The following FDXACB1 variants were observed in gnomAD, a reference collection of about 807,000 sequenced individuals.
The protein encoded by FDXACB1 is ferredoxin-fold anticodon binding domain containing 1, also known as ferredoxin-fold anticodon-binding domain-containing protein 1.
A neutral mutation model predicts 51.7 loss-of-function variants in FDXACB1; 41 were observed. The observed-to-expected ratio is 0.79, with a 90% CI of 0.62 to 1.03. The LOEUF (loss-of-function observed/expected upper bound fraction) is 1.03, where lower values mean the gene tolerates loss of function less well. Among genes scored for constraint, FDXACB1 ranks in the 50% least tolerant of loss-of-function variants. FDXACB1 has a pLI of 0.00. For missense variants in FDXACB1, 697 were observed against 746.4 expected (o/e 0.93, Z 0.77); for synonymous variants, 273 against 278.6 (o/e 0.98, Z 0.20).
rs1555162641 is a variant in FDXACB1 at position 111,878,975 on chromosome 11, C to A, written c.158G>T (p.Cys53Phe). ...RDPLAWENLQ[C>F]LRERGIDVRF... The stretch of plus-strand genomic sequence containing the variant: ...GGGCTCGCTACCTCGCTCGCGCAGG[C>A]ACTGCAGATTCTCCCAGGCCAGTGG... The change falls in exon 1 of 5, where the codon TGC (cysteine) becomes TTC (phenylalanine). Residue 53 changes from cysteine to phenylalanine, a missense_variant. Transcript: ENST00000260257. 6.2e-7 allele frequency: 1 copy of A among 1,603,370 alleles called. No homozygotes were observed. Among genetic ancestry groups the A allele is most frequent in the Non-Finnish European group, 8.5e-7 (1 of 1,175,960 alleles).
At position 111,878,727 on chromosome 11, in the gene FDXACB1, T is replaced by C. The variant is rs1964877421; in HGVS notation, c.173-15A>G. 1.9e-6 allele frequency: 3 copies of C among 1,604,144 alleles called. No homozygotes were observed. The highest frequency in any genetic ancestry group is 1.7e-4 in the Middle Eastern group (1 of 6,028). ...TACATCGATACCTGGCAAAGATAGT[T>C]TGGGGGCGCAAAATATAGACAGGAG... On this transcript the variant is annotated splice_polypyrimidine_tract_variant and intron_variant, in intron 1 of 4. Transcript: ENST00000260257.
In FDXACB1 at chr11:111,876,854, G is replaced by C. The variant is rs782024980; in HGVS notation, c.487C>G (p.Pro163Ala). 6.2e-7 allele frequency: 1 copy of C among 1,613,922 alleles called. No homozygotes were observed. Among genetic ancestry groups the C allele is most frequent in the South Asian group, 1.1e-5 (1 of 91,068 alleles). The change falls in exon 3 of 5, where the codon CCA (proline) becomes GCA (alanine). Residue 163 changes from proline to alanine, a missense_variant. Coordinates refer to ENST00000260257, the MANE Select transcript of FDXACB1 (RefSeq NM_138378.3). Reference protein sequence around the residue: ...LGGLILSDVYPFSCKAVAGYK... With the variant: ...LGGLILSDVYAFSCKAVAGYK... ...CCTGCCACAGCCTTACAGCTGAATG[G>C]ATACACGTCGCTTAAAATGAGCCCC...
chr11:111,877,146 C>A, intron 2 of FDXACB1, 135 bp from the exon 3 acceptor site: 1 of 861,660 alleles, frequency 1.2e-6, no homozygotes. Flanking sequence ...ATCTATTAGA[C>A]CTCAAAAAAT....
Position 111,875,750 on chromosome 11 carries a change from A to C in FDXACB1, c.1047T>G (p.Pro349=). The change falls in exon 5 of 5, where the codon CCT becomes CCG. Residue 349 remains proline (P), a synonymous_variant. Coordinates refer to ENST00000260257, the MANE Select transcript of FDXACB1 (RefSeq NM_138378.3). ...CATCCTGAACATGCACTAGGAGAGA[A>C]GGTCTAAGGCAGATCTTGGCCTGGC... ...TCGQAKICLR[P]SLLVHVQDVI... 6.2e-7 allele frequency: 1 copy of C among 1,613,632 alleles called. No individual in the cohort carries two copies. The highest frequency in any genetic ancestry group is 8.5e-7 in the Non-Finnish European group (1 of 1,179,874).
At chr11:111,877,512 CTTTTTTTTTTT>C (rs35506169) in intron 2 of FDXACB1, among the ~76,000 whole-genome samples, 8 of 106,916 alleles carry the variant, frequency 7.5e-5, no homozygotes, top group East Asian at 2.6e-4. Flanking sequence ...CTGTTAGTTA[CTTTTTTTTTTT>C]TTTTTTTTTT....
At chr11:111,878,735 G>A in intron 1 of FDXACB1, 23 bp from the exon 2 acceptor site, 1 of 1,599,816 alleles carries the variant, frequency 6.3e-7, no homozygotes, top group East Asian at 2.2e-5. Flanking sequence ...GTTTGGGGGC[G>A]CAAAATATAG....
chr11:111,875,671 C>A lies in FDXACB1; in HGVS notation c.1126G>T (p.Val376Phe), dbSNP rs1483322771. 6.2e-7 allele frequency: 1 copy of A among 1,613,360 alleles called. No homozygotes were observed. Among genetic ancestry groups the A allele is most frequent in the Non-Finnish European group, 8.5e-7 (1 of 1,179,866 alleles). ...GGCAAAATGTGGCACTTCTGAAAGA[C>A]AGGTCCACTGAGGATGTGCAGAGAA... Reference protein sequence around the residue: ...SGSLHILSGPVFQKCHILPFT... With the variant: ...SGSLHILSGPFFQKCHILPFT... Residue 376 changes from valine (V) to phenylalanine (F), a missense_variant, in exon 5 of 5, where the codon GTC becomes TTC. Around this residue, in one of 3 missense-constraint regions of FDXACB1, gnomAD observed 538 missense variants for 592.2 expected, o/e 0.91. Coordinates refer to ENST00000260257, the MANE Select transcript of FDXACB1 (RefSeq NM_138378.3).
In FDXACB1 at chr11:111,874,412, T is replaced by A. The variant is rs1964762247; in HGVS notation, c.*510A>T. The A allele has an allele frequency of 6.5e-6, 1 of 154,008 alleles. No individual in the cohort carries two copies. 9.5% of individuals were successfully genotyped at this position (154,008 alleles called of 1,614,324 possible). On this transcript the variant is annotated 3_prime_UTR_variant, in exon 5 of 5. Coordinates refer to ENST00000260257, the MANE Select transcript of FDXACB1 (RefSeq NM_138378.3). ...CAACTCCAAATGTCACCAATCACAT[T>A]ATAATCTATAAGTTTCAGTAATAGA...
At chr11:111,878,837 T>C (rs1964880356) in intron 1 of FDXACB1, 124 bp downstream of exon 1, 1 of 1,509,104 alleles carries the variant, frequency 6.6e-7, no homozygotes, top group Non-Finnish European at 8.9e-7. Flanking sequence ...GCCGGCTTTA[T>C]GTGAATATCC....
intron 2 of FDXACB1, 37 bp from the exon 3 acceptor site, chr11:111,877,048 A>C: frequency 6.5e-7 from 1 of 1,539,836 alleles, no homozygotes; most frequent in Non-Finnish European, 8.8e-7. Context: ...TAATTATCAT[A>C]AACAAGCAGA....
intron 4 of FDXACB1, among the ~76,000 whole-genome samples, 162 bp from the exon 5 acceptor site, chr11:111,876,266 G>A (rs1964814158): frequency 6.6e-6 from 1 of 152,242 alleles, no homozygotes. Flanking sequence ...AAACAGACGT[G>A]TATTTCAGAA....
At position 111,877,512 on chromosome 11, in the gene FDXACB1, C is replaced by CTTT. The variant is rs35506169; in HGVS notation, c.330-504_330-502dup. The stretch of plus-strand genomic sequence containing the variant: ...AATAATTTTATGAGGCTGTTAGTTA[C>CTTT]TTTTTTTTTTTTTTTTTTTTTTGAG... On this transcript the variant is annotated intron_variant, in intron 2 of 4. Coordinates refer to ENST00000260257, the MANE Select transcript of FDXACB1 (RefSeq NM_138378.3). 3.8e-4 allele frequency among the ~76,000 whole-genome samples: 41 copies of CTTT among 106,902 alleles called. 1 individual carries two copies. Among genetic ancestry groups the CTTT allele is most frequent in the African/African-American group, 8.1e-4 (23 of 28,378 alleles). The allele number at this position is 106,902 out of a possible 152,430, so 70.1% of individuals were successfully genotyped here. A position where few individuals can be genotyped will look rare whatever the true frequency, so the allele number is the denominator to read the frequency against.
Position 111,875,611 on chromosome 11 carries a change from T to C in FDXACB1, c.1186A>G (p.Ile396Val). 1.2e-6 allele frequency: 2 copies of C among 1,612,682 alleles called. No homozygotes were observed. Among genetic ancestry groups the C allele is most frequent in the Non-Finnish European group, 1.7e-6 (2 of 1,179,760 alleles). The stretch of plus-strand genomic sequence containing the variant: ...TTCAGATTTTGATTAACCCCAAGGA[T>C]AAATAAAGTTTCATGAAATGCTGGC... ...TMPAFHETLF[I>V]LGVNQNLKDG... The change falls in exon 5 of 5, where the codon ATC (isoleucine) becomes GTC (valine). Residue 396 changes from isoleucine to valine, a missense_variant. Ile to Val is a conservative substitution (Grantham distance 29). Coordinates refer to ENST00000260257, the MANE Select transcript of FDXACB1 (RefSeq NM_138378.3).
chr11:111,877,404 T>C (rs997139036), intron 2 of FDXACB1, among the ~76,000 whole-genome samples: 1 of 152,238 alleles, frequency 6.6e-6, no homozygotes, highest in African/African-American at 2.4e-5. Flanking sequence ...GTCAAAACTT[T>C]ATTGACAGCT....
chr11:111,876,235 GA>G, intron 4 of FDXACB1, 131 bp from the exon 5 acceptor site: 2 of 958,938 alleles, frequency 2.1e-6, no homozygotes, highest in Non-Finnish European at 3.0e-6. Flanking sequence ...AGGAAACAAA[GA>G]AATCATCTAC....
chr11:111,874,828 C>A lies in FDXACB1; in HGVS notation c.*94G>T, dbSNP rs2137342645. Reference sequence around the variant, plus strand: ...CACAAAGTAAAAGATTTTACAAAAACAAAAATCCAGAAAGGACTACTGGTT... The same window carrying A: ...CACAAAGTAAAAGATTTTACAAAAAAAAAAATCCAGAAAGGACTACTGGTT... On this transcript the variant is annotated 3_prime_UTR_variant, in exon 5 of 5. Coordinates refer to ENST00000260257, the MANE Select transcript of FDXACB1 (RefSeq NM_138378.3). 47 of 921,858 alleles carry A rather than the reference C, an allele frequency of 5.1e-5. No homozygotes were observed. The highest frequency in any genetic ancestry group is 1.9e-4 in the South Asian group (9 of 48,042). The allele number at this position is 921,858 out of a possible 1,614,324, so 57.1% of individuals were successfully genotyped here.
chr11:111,875,122 CCA>C lies in FDXACB1; in HGVS notation c.1673_1674del (p.Val558GlyfsTer16). The C allele has an allele frequency of 6.2e-7, 1 of 1,613,848 alleles. No homozygotes were observed. Among genetic ancestry groups the C allele is most frequent in the Non-Finnish European group, 8.5e-7 (1 of 1,179,864 alleles). ...KGFDELEFHTVARAVSQDTII... is the reference protein window; with the variant it reads ...KGFDELEFHTXARAVSQDTII... Reference sequence around the variant, plus strand: ...ATAGTGTCCTGAGACACTGCTCGGGCCACAGTGTGAAACTCTAGTTCATCAAA... The same window carrying C: ...ATAGTGTCCTGAGACACTGCTCGGGCCAGTGTGAAACTCTAGTTCATCAAA... On this transcript the variant is annotated frameshift_variant, in exon 5 of 5. Transcript: ENST00000260257. LOFTEE classifies it high-confidence loss of function.
intron 4 of FDXACB1, 134 bp downstream of exon 4, chr11:111,876,347 G>A: frequency 8.7e-7 from 1 of 1,149,854 alleles, no homozygotes. Context: ...TGCTTAAGGA[G>A]GCCAGGCTGA....
intron 2 of FDXACB1, among the ~76,000 whole-genome samples, chr11:111,877,299 A>C (rs1483088705): frequency 6.6e-6 from 1 of 152,178 alleles, no homozygotes; most frequent in Non-Finnish European, 1.5e-5. Flanking sequence ...CACAGTTCCT[A>C]TATATGATTC....
Sources: allele counts gnomAD v4.1 joint callset (sites outside exome capture counted in the v4.1 genomes callset), GRCh38; gene constraint gnomAD v4.1.1; regional missense constraint gnomAD v4.1.1; transcripts MANE v1.5; gene names NCBI Gene and HGNC (gene_info 2026-07-23, HGNC 2026-07-21).